ADGRG1: variants seen among roughly 807,000 people sequenced by gnomAD.
ADGRG1 encodes the protein adhesion G protein-coupled receptor G1, also known as 7-transmembrane protein with no EGF-like N-terminal domains-1.
A neutral mutation model predicts 73.5 loss-of-function variants in ADGRG1; 53 were observed. The ratio of observed to expected loss-of-function variants is 0.72; its 90% CI spans 0.58 to 0.91. ADGRG1 has a LOEUF of 0.91. Ranked by LOEUF, ADGRG1 falls within the 40% of genes least tolerant of loss-of-function variation. The probability of loss-of-function intolerance (pLI) is 0.00; values close to 1 mark genes in which losing one functional copy is unlikely to be tolerated. For missense variants in ADGRG1, 795 were observed against 871.8 expected (o/e 0.91, Z 1.11); for synonymous variants, 394 against 374.4 (o/e 1.05, Z -0.60).
intron 1 of ADGRG1, among the ~76,000 whole-genome samples, chr16:57,649,119 C>A (rs529846192): frequency 6.6e-6 from 1 of 152,314 alleles, no homozygotes; most frequent in South Asian, 2.1e-4. Context: ...CGGGGCAATA[C>A]CGAGTCCTTG....
intron 1 of ADGRG1, chr16:57,633,329 T>G (rs11641218): frequency 0.027 from 26,453 of 984,792 alleles, 1,017 homozygotes; most frequent in East Asian, 0.21. Context: ...CCTTGAAAAA[T>G]GACTTAGAGC....
chr16:57,652,908 T>C (rs1012733712), intron 3 of ADGRG1: 1 of 1,267,896 alleles, frequency 7.9e-7, no homozygotes, highest in Non-Finnish European at 1.0e-6. Context: ...CTGGGCCCTC[T>C]CTGCTCCGTG....
intron 1 of ADGRG1, chr16:57,630,999 C>T (rs2037720449): frequency 1.0e-6 from 1 of 985,932 alleles, no homozygotes; most frequent in Non-Finnish European, 1.2e-6. Context: ...GAGGACTCGC[C>T]AGGCAGGTGC....
At position 57,659,714 on chromosome 16, in the gene ADGRG1, G is replaced by T. The variant is rs762778144; in HGVS notation, c.1555+33G>T. On this transcript the variant is annotated intron_variant, in intron 11 of 13. Transcript: ENST00000562631. ...GTTGGGCGGGGGGTGCCTCAGACCT[G>T]CCTCTCCCACTTGGCTCTGGCAAAA... The T allele has an allele frequency of 8.1e-6, 13 of 1,611,192 alleles. 1 individual carries two copies. The South Asian group carries it at 1.4e-4, about 18-fold the overall frequency.
At chr16:57,623,836 G>T (rs1475040293), upstream of ADGRG1, 1 of 985,058 alleles carries the variant, frequency 1.0e-6, no homozygotes, top group African/African-American at 1.7e-5. Flanking sequence ...TCCCACAGGA[G>T]ATAGCAGGGA....
rs1767951354 is a variant in ADGRG1, at chr16:57,654,108, A to C, written c.743A>C (p.Asp248Ala). ...WKLQPTAGLQ[D>A]LHIHSRQEEE... is the part of the protein sequence containing the mutation. ...CTCCAGCCCACAGCCGGCCTCCAGG[A>C]CCTGCACATCCACTCCCGGCAGGAG... Residue 248 changes from aspartate to alanine, a missense_variant, in exon 5 of 14, where the codon GAC becomes GCC. By Grantham distance (126) the Asp-to-Ala change is moderately radical. Coordinates refer to ENST00000562631, the MANE Select transcript of ADGRG1 (RefSeq NM_201525.4). 2 of 1,613,410 alleles carry C rather than the reference A, an allele frequency of 1.2e-6. No homozygotes were observed. The highest frequency in any genetic ancestry group is 2.7e-5 in the African/African-American group (2 of 75,056).
intron 6 of ADGRG1, 117 bp downstream of exon 6, chr16:57,655,647 G>T (rs1467041677): frequency 1.3e-6 from 2 of 1,586,032 alleles, no homozygotes; most frequent in South Asian, 1.1e-5. Flanking sequence ...TCCTTGTAAA[G>T]TTACAAATTG....
chr16:57,659,510 C>G lies in ADGRG1; in HGVS notation c.1384C>G (p.Leu462Val). 6.2e-7 allele frequency: 1 copy of G among 1,613,996 alleles called. No homozygotes were observed. The highest frequency in any genetic ancestry group is 8.5e-7 in the Non-Finnish European group (1 of 1,179,922). Reference sequence around the variant, plus strand: ...CTTCCTGCTCAGCGAGCCGGTGGCCCTGACAGGCTCTGAGGCTGGCTGCCG... The same window carrying G: ...CTTCCTGCTCAGCGAGCCGGTGGCCGTGACAGGCTCTGAGGCTGGCTGCCG... ...TSFLLSEPVA[L>V]TGSEAGCRAS... Residue 462 changes from leucine (L) to valine (V), a missense_variant, in exon 11 of 14, where the codon CTG becomes GTG. Transcript: ENST00000562631.
At chr16:57,653,675 C>G in intron 4 of ADGRG1, 1 of 877,000 alleles carries the variant, frequency 1.1e-6, no homozygotes, top group Admixed American at 6.2e-5. Flanking sequence ...GGAGCTGGGC[C>G]CAAACCCATG....
intron 1 of ADGRG1, among the ~76,000 whole-genome samples, chr16:57,638,672 C>T (rs1387336733): frequency 6.6e-6 from 1 of 152,204 alleles, no homozygotes; most frequent in Non-Finnish European, 1.5e-5. Context: ...AGAGGGTGTT[C>T]AGCTTGTTTT....
rs565684728 is a variant in ADGRG1 at position 57,654,540 on chromosome 16, G to T, written c.768+407G>T. On this transcript the variant is annotated intron_variant, in intron 5 of 13. Transcript: ENST00000562631. ...TCAAGCGATTCTCCCACTTCAGCCTGTGAGCAGCTGGGACTGCAGGCTTGC... is the reference window on the plus strand; with the variant it reads ...TCAAGCGATTCTCCCACTTCAGCCTTTGAGCAGCTGGGACTGCAGGCTTGC... 4.5e-4 allele frequency among the ~76,000 whole-genome samples: 68 copies of T among 151,410 alleles called. No individual in the cohort carries two copies. The South Asian group carries it at 0.013, about 29-fold the overall frequency.
At chr16:57,649,560 C>T (rs2043505349) in intron 1 of ADGRG1, among the ~76,000 whole-genome samples, 1 of 152,056 alleles carries the variant, frequency 6.6e-6, no homozygotes, top group African/African-American at 2.4e-5. Context: ...CTCTGGGAGC[C>T]CCCTTTTTTC....
rs1162694306 is a variant in ADGRG1 at position 57,665,325 on chromosome 16, G to T, written c.*1743G>T. ...AGAGCGTGGCTGCTCATCAGCTCCA[G>T]CTGGTCACTACCTTGCAGGGATGAG... On this transcript the variant is annotated 3_prime_UTR_variant, in exon 14 of 14. Coordinates refer to ENST00000562631, the MANE Select transcript of ADGRG1 (RefSeq NM_201525.4). 1 of 152,236 alleles carries T rather than the reference G, an allele frequency of 6.6e-6. No homozygotes were observed. Among genetic ancestry groups the T allele is most frequent in the Non-Finnish European group, 1.5e-5 (1 of 68,070 alleles). The allele number at this position is 152,236 out of a possible 1,614,324, so 9.4% of individuals were successfully genotyped here. A position where few individuals can be genotyped will look rare whatever the true frequency, so the allele number is the denominator to read the frequency against.
intron 9 of ADGRG1, among the ~76,000 whole-genome samples, 185 bp downstream of exon 9, chr16:57,656,802 C>T (rs568088806): frequency 2.8e-4 from 42 of 152,328 alleles, no homozygotes; most frequent in Non-Finnish European, 4.4e-4. Flanking sequence ...CCCGTGGCCA[C>T]ACAGCTAGTC....
intron 1 of ADGRG1, chr16:57,642,182 C>G: frequency 2.0e-6 from 2 of 985,416 alleles, no homozygotes; most frequent in Non-Finnish European, 2.4e-6. Context: ...GCCCAGCTGG[C>G]CACGGCCAAC....
chr16:57,639,210 C>G, intron 1 of ADGRG1: 1 of 964,654 alleles, frequency 1.0e-6, no homozygotes, highest in Non-Finnish European at 1.2e-6. Context: ...CAGGTGTCCC[C>G]GGGGCTCCCC....
At position 57,655,441 on chromosome 16, in the gene ADGRG1, C is replaced by T. The variant is rs768441855; in HGVS notation, c.811C>T (p.Arg271Ter). ...CATGGAGTACTCGGTGCTGCTGCCT[C>T]GAACACTCTTCCAGAGGACGAAAGG... ...EIMEYSVLLPRTLFQRTKGRS... is the reference protein window; with the variant it reads ...EIMEYSVLLP The change falls in exon 6 of 14, where the codon CGA becomes TGA. Residue 271 changes from arginine (R) to a stop codon, truncating the protein, a stop_gained. Transcript: ENST00000562631. LOFTEE classifies it high-confidence loss of function. The T allele has an allele frequency of 4.3e-6, 7 of 1,613,750 alleles. No homozygotes were observed. The highest frequency in any genetic ancestry group is 1.7e-5 in the Admixed American group (1 of 60,018).
At chr16:57,642,117 T>G in intron 1 of ADGRG1, 1 of 985,394 alleles carries the variant, frequency 1.0e-6, no homozygotes. Flanking sequence ...TTCATATTCT[T>G]TCTCTCTCTT....
In ADGRG1 at chr16:57,639,660, A is replaced by G. The variant is rs926119421; in HGVS notation, c.-35-10593A>G. Reference sequence around the variant, plus strand: ...TATCTATAGTCTGCCTGATGCCACAAAGGAGTCCAGGTACGATTCTCCCGC... The same window carrying G: ...TATCTATAGTCTGCCTGATGCCACAGAGGAGTCCAGGTACGATTCTCCCGC... On this transcript the variant is annotated intron_variant, in intron 1 of 13. Coordinates refer to ENST00000562631, the MANE Select transcript of ADGRG1 (RefSeq NM_201525.4). 3.0e-6 allele frequency: 3 copies of G among 985,398 alleles called. No individual in the cohort carries two copies. The African/African-American group carries it at 5.3e-5, about 17-fold the overall frequency. The allele number at this position is 985,398 out of a possible 1,614,324, so 61.0% of individuals were successfully genotyped here. A position where few individuals can be genotyped will look rare whatever the true frequency, so the allele number is the denominator to read the frequency against.
Sources: gnomAD v4.1 joint callset for allele counts (sites outside exome capture counted in the v4.1 genomes callset) on GRCh38, gnomAD v4.1.1 for gene constraint, MANE v1.5 for transcripts, NCBI Gene and HGNC (gene_info 2026-07-23, HGNC 2026-07-21) for gene names.